The following SENP6 variants were observed in gnomAD, a reference collection of about 807,000 sequenced individuals.
SENP6 encodes the protein SUMO specific peptidase 6.
In SENP6, 41 loss-of-function variants were observed where a neutral mutation model predicts 134.5. The ratio of observed to expected loss-of-function variants is 0.30; its 90% CI spans 0.24 to 0.40. SENP6 has a LOEUF of 0.40. Ranked by LOEUF, SENP6 falls within the 10% of genes least tolerant of loss-of-function variation. The probability of loss-of-function intolerance (pLI) is 1.00; values close to 1 mark genes in which losing one functional copy is unlikely to be tolerated. For missense variants in SENP6, 1,248 were observed against 1,312.5 expected, an observed-to-expected ratio of 0.95 and a Z score of 0.76; for synonymous variants, 395 against 429.8, an observed-to-expected ratio of 0.92 and a Z score of 1.00.
chr6:75,699,744 C>A (rs1488864904), intron 18 of SENP6, among the ~76,000 whole-genome samples: 1 of 152,130 alleles, frequency 6.6e-6, no homozygotes, highest in African/African-American at 2.4e-5. Flanking sequence ...CCTGCCGTAG[C>A]CTCTCAAAGT....
Position 75,702,683 on chromosome 6 carries a change from T to C in SENP6, c.2327T>C (p.Leu776Ser), listed in dbSNP as rs1326448205. 1 of 1,601,314 alleles carries C rather than the reference T, an allele frequency of 6.2e-7. No homozygotes were observed. The highest frequency in any genetic ancestry group is 8.5e-7 in the Non-Finnish European group (1 of 1,173,182). The change falls in exon 19 of 24, where the codon TTG (leucine) becomes TCG (serine). Residue 776 changes from leucine to serine, a missense_variant. By Grantham distance (145) the Leu-to-Ser change is moderately radical. Coordinates refer to ENST00000447266, the MANE Select transcript of SENP6 (RefSeq NM_015571.4). Reference protein sequence around the residue: ...WFLAVVCFPGLEKPKYEPNPH... With the variant: ...WFLAVVCFPGSEKPKYEPNPH... ...TTGGCTGTTGTTTGTTTCCCCGGTTTGGAAAAACCAAAGTATGAACCTAAT... is the reference window on the plus strand; with the variant it reads ...TTGGCTGTTGTTTGTTTCCCCGGTTCGGAAAAACCAAAGTATGAACCTAAT...
intron 16 of SENP6, among the ~76,000 whole-genome samples, chr6:75,685,691 G>A (rs995552565): frequency 6.6e-6 from 1 of 152,182 alleles, no homozygotes; most frequent in African/African-American, 2.4e-5. Flanking sequence ...CAGTTTCCAT[G>A]TAGTTGTGCA....
chr6:75,685,364 T>G (rs1335382446), intron 16 of SENP6, among the ~76,000 whole-genome samples: 1 of 152,144 alleles, frequency 6.6e-6, no homozygotes, highest in Non-Finnish European at 1.5e-5. Context: ...TTTGAAGGGT[T>G]TTTTTTGTCT....
intron 1 of SENP6, among the ~76,000 whole-genome samples, chr6:75,617,459 A>G (rs976925187): frequency 5.3e-5 from 8 of 151,422 alleles, no homozygotes; most frequent in African/African-American, 1.7e-4. Flanking sequence ...TTTAGTAGAG[A>G]CAGGGTTTCT....
chr6:75,626,503 G>T (rs1357747258), intron 3 of SENP6, among the ~76,000 whole-genome samples: 1 of 151,928 alleles, frequency 6.6e-6, no homozygotes, highest in Non-Finnish European at 1.5e-5. Flanking sequence ...GTACTTCATT[G>T]GATGGATATA....
At chr6:75,709,294 GT>G (rs1306731530) in intron 19 of SENP6, among the ~76,000 whole-genome samples, 2 of 152,026 alleles carry the variant, frequency 1.3e-5, no homozygotes, top group African/African-American at 4.8e-5. Flanking sequence ...CTGATAACTA[GT>G]TTTTAAATTT....
At chr6:75,710,952 A>G (rs1463388622) in intron 20 of SENP6, among the ~76,000 whole-genome samples, 1 of 152,226 alleles carries the variant, frequency 6.6e-6, no homozygotes, top group East Asian at 1.9e-4. Flanking sequence ...GTTATTTTAT[A>G]TCCTATTGTG....
chr6:75,606,463 T>C (rs779015690), intron 1 of SENP6, among the ~76,000 whole-genome samples: 5 of 152,310 alleles, frequency 3.3e-5, no homozygotes, highest in Non-Finnish European at 4.4e-5. Flanking sequence ...ACACCTACTA[T>C]GTTGTAGGCA....
intron 1 of SENP6, among the ~76,000 whole-genome samples, chr6:75,613,560 T>C (rs186272791): frequency 3.9e-5 from 6 of 152,108 alleles, no homozygotes; most frequent in Admixed American, 2.6e-4. Context: ...AGTAAAAAGG[T>C]GGATATAACC....
chr6:75,613,063 G>A (rs763869422), intron 1 of SENP6, among the ~76,000 whole-genome samples: 17 of 151,628 alleles, frequency 1.1e-4, no homozygotes, highest in South Asian at 8.3e-4. Context: ...GCAGTGAGCC[G>A]AGATTGTGCC....
At chr6:75,622,319 A>T (rs952532874) in intron 2 of SENP6, among the ~76,000 whole-genome samples, 4 of 152,194 alleles carry the variant, frequency 2.6e-5, no homozygotes, top group African/African-American at 9.7e-5. Context: ...ACACTTTGGA[A>T]GGCCGAGGCA....
intron 5 of SENP6, among the ~76,000 whole-genome samples, chr6:75,639,482 A>C (rs1582737364): frequency 6.6e-6 from 1 of 151,980 alleles, no homozygotes; most frequent in Non-Finnish European, 1.5e-5. Flanking sequence ...TTAGTTGCAT[A>C]CTCCACATGA....
chr6:75,606,393 T>C (rs1283975873), intron 1 of SENP6, among the ~76,000 whole-genome samples: 3 of 152,194 alleles, frequency 2.0e-5, no homozygotes, highest in African/African-American at 4.8e-5. Flanking sequence ...TTTCCACTTA[T>C]GATAGACAGT....
intron 16 of SENP6, among the ~76,000 whole-genome samples, chr6:75,694,005 C>T (rs761871887): frequency 1.3e-5 from 2 of 152,030 alleles, no homozygotes; most frequent in Non-Finnish European, 2.9e-5. Flanking sequence ...GCCTGTAATC[C>T]CAGCACCTTA....
At chr6:75,688,207 A>T (rs1374158819) in intron 16 of SENP6, among the ~76,000 whole-genome samples, 1 of 152,260 alleles carries the variant, frequency 6.6e-6, no homozygotes, top group Admixed American at 6.5e-5. Flanking sequence ...CGAGCCAGGC[A>T]CGGGAGAGAA....
intron 18 of SENP6, among the ~76,000 whole-genome samples, chr6:75,699,274 A>G (rs1189303172): frequency 6.6e-6 from 1 of 151,820 alleles, no homozygotes; most frequent in Admixed American, 6.6e-5. Flanking sequence ...GAGAGGTAGA[A>G]AATGAACTCT....
At chr6:75,654,713 G>A (rs1771176440) in intron 7 of SENP6, among the ~76,000 whole-genome samples, 1 of 152,044 alleles carries the variant, frequency 6.6e-6, no homozygotes, top group South Asian at 2.1e-4. Flanking sequence ...CTGTCGTCTG[G>A]GTACTTATTT....
intron 5 of SENP6, among the ~76,000 whole-genome samples, chr6:75,637,067 G>A (rs1769579646): frequency 6.6e-6 from 1 of 151,826 alleles, no homozygotes; most frequent in Non-Finnish European, 1.5e-5. Context: ...AATTTTTTTT[G>A]TAGAGACGTG....
chr6:75,702,851 A>G lies in SENP6; in HGVS notation c.2495A>G (p.His832Arg), dbSNP rs375397460. 1 of 1,614,046 alleles carries G rather than the reference A, an allele frequency of 6.2e-7. No homozygotes were observed. Among genetic ancestry groups the G allele is most frequent in the African/African-American group, 1.3e-5 (1 of 74,958 alleles). The change falls in exon 19 of 24, where the codon CAT becomes CGT. Residue 832 changes from histidine (H) to arginine (R), a missense_variant. Transcript: ENST00000447266. ...ATTAAGAAGATGCTAAACAAAAAAC[A>G]TTGCATAGCTGTAATTGATTCCAAT... ...PVIKKMLNKK[H>R]CIAVIDSNPG... is the part of the protein sequence containing the mutation.
Sources: allele counts gnomAD v4.1 joint callset (sites outside exome capture counted in the v4.1 genomes callset), GRCh38; gene constraint gnomAD v4.1.1; transcripts MANE v1.5; gene names NCBI Gene and HGNC (gene_info 2026-07-23, HGNC 2026-07-21).